Variants in KIDINS220 observed in about 807,000 individuals in gnomAD.
KIDINS220 encodes the protein kinase D-interacting substrate of 220 kDa.
In KIDINS220, 63 loss-of-function variants were observed where a neutral mutation model predicts 157.6. The ratio of observed to expected loss-of-function variants is 0.40; its 90% CI spans 0.33 to 0.49. The LOEUF is 0.49. Ranked by LOEUF, KIDINS220 falls within the 20% of genes least tolerant of loss-of-function variation. The pLI is 0.66. For missense variants in KIDINS220, 1,772 were observed against 2,171.2 expected (o/e 0.82, Z 3.65); for synonymous variants, 732 against 783.6 (o/e 0.93, Z 1.10).
At position 8,740,210 on chromosome 2, in the gene KIDINS220, G is replaced by A. The variant is rs936489858; in HGVS notation, c.3586-3211C>T. The A allele has an allele frequency of 5.1e-6, 5 of 975,462 alleles. No homozygotes were observed. In the African/African-American group the frequency reaches 8.8e-5, roughly 17 times the overall value. The allele number at this position is 975,462 out of a possible 1,614,324, so 60.4% of individuals were successfully genotyped here. ...CTTTAAGGAAGGAATAAAACACAGT[G>A]AAGGACAAGAGCATAAAGTAACACA... On this transcript the variant is annotated intron_variant, in intron 26 of 29. Transcript: ENST00000256707.
intron 27 of KIDINS220, among the ~76,000 whole-genome samples, chr2:8,735,827 G>A (rs1298612317): frequency 2.0e-5 from 3 of 152,182 alleles, no homozygotes; most frequent in African/African-American, 2.4e-5. Context: ...GGAGGCCAGC[G>A]GCTCTGAGGG....
chr2:8,766,960 T>C (rs1669571932), intron 22 of KIDINS220, among the ~76,000 whole-genome samples: 1 of 152,204 alleles, frequency 6.6e-6, no homozygotes, highest in Non-Finnish European at 1.5e-5. Flanking sequence ...TGGTCAACAT[T>C]ACATCTGATT....
At chr2:8,812,531 T>TAGGAAGGAAGGAAAGAA in intron 5 of KIDINS220, 38 bp from the exon 6 acceptor site, 1 of 1,210,366 alleles carries the variant, frequency 8.3e-7, no homozygotes, top group East Asian at 2.7e-5. Context: ...GGTAGATAAG[T>TAGGAAGGAAGGAAAGAA]AGGAAGGAAG....
intron 22 of KIDINS220, among the ~76,000 whole-genome samples, chr2:8,761,572 C>CT (rs1200150090): frequency 5.3e-5 from 8 of 151,744 alleles, no homozygotes; most frequent in Admixed American, 4.6e-4. Context: ...ATTCATTTGC[C>CT]TAGGATCGTG....
intron 13 of KIDINS220, 101 bp downstream of exon 13, chr2:8,790,959 C>T (rs1440551810): frequency 2.8e-6 from 3 of 1,063,028 alleles, no homozygotes; most frequent in Non-Finnish European, 4.1e-6. Flanking sequence ...CCACATAACA[C>T]ACATGCTTAT....
chr2:8,748,047 G>T, intron 24 of KIDINS220, 47 bp from the exon 25 acceptor site: 2 of 1,107,248 alleles, frequency 1.8e-6, no homozygotes, highest in Non-Finnish European at 1.3e-6. Context: ...TTACAGAAAT[G>T]AAAGTGTAAT....
chr2:8,749,902 T>A (rs1280757894), intron 24 of KIDINS220, among the ~76,000 whole-genome samples: 1 of 152,140 alleles, frequency 6.6e-6, no homozygotes, highest in Non-Finnish European at 1.5e-5. Context: ...AAAAAAAATC[T>A]AATATTCAGA....
chr2:8,789,817 T>A, intron 14 of KIDINS220, 63 bp downstream of exon 14: 1 of 1,245,938 alleles, frequency 8.0e-7, no homozygotes, highest in Non-Finnish European at 1.1e-6. Flanking sequence ...AAAATGTTTT[T>A]TCTTTATCTA....
intron 1 of KIDINS220, among the ~76,000 whole-genome samples, chr2:8,835,145 A>G (rs1680222009): frequency 6.6e-6 from 1 of 152,212 alleles, no homozygotes; most frequent in Non-Finnish European, 1.5e-5. Flanking sequence ...CTGCATGCCC[A>G]GCCTTGAACT....
chr2:8,770,854 TTTAAAAATTAATAGA>T, intron 21 of KIDINS220, 22 bp from the exon 22 acceptor site: 1 of 1,507,018 alleles, frequency 6.6e-7, no homozygotes, highest in Non-Finnish European at 9.1e-7. Context: ...TACAAAAGCA[TTTAAAAATTAATAGA>T]TGTGTGATAG....
intron 2 of KIDINS220, among the ~76,000 whole-genome samples, chr2:8,820,238 C>T (rs1225296319): frequency 6.6e-6 from 1 of 152,202 alleles, no homozygotes; most frequent in African/African-American, 2.4e-5. Context: ...TTTTCCTATA[C>T]TAATCCTTGT....
chr2:8,751,584 A>G lies in KIDINS220; in HGVS notation c.3072T>C (p.Asp1024=), dbSNP rs372134421. 1,128 of 1,611,446 alleles carry G rather than the reference A, an allele frequency of 7.0e-4. No individual in the cohort carries two copies. Among genetic ancestry groups the G allele is most frequent in the Non-Finnish European group, 8.7e-4 (1,026 of 1,178,314 alleles). Residue 1024 remains aspartate, a synonymous_variant, in exon 23 of 30, where the codon GAT becomes GAC. Transcript: ENST00000256707. ...DVEPLLEIDG[D]IRNFEVFLSS... is the part of the protein sequence containing the mutation. ...ACAAAAACACTTCAAAATTTCTTAT[A>G]TCTCCATCAATTTCAAGAAGTGGCT...
intron 26 of KIDINS220, among the ~76,000 whole-genome samples, chr2:8,745,171 C>T (rs1186306238): frequency 6.6e-6 from 1 of 152,170 alleles, no homozygotes; most frequent in East Asian, 1.9e-4. Flanking sequence ...GTCATTAAGG[C>T]CATTAACTTC....
chr2:8,817,091 A>T (rs1677186966), intron 4 of KIDINS220, among the ~76,000 whole-genome samples: 1 of 152,156 alleles, frequency 6.6e-6, no homozygotes, highest in African/African-American at 2.4e-5. Flanking sequence ...GCCAGAAATG[A>T]CCTCTCTCTT....
intron 4 of KIDINS220, among the ~76,000 whole-genome samples, chr2:8,814,510 G>A (rs1676777926): frequency 6.6e-6 from 1 of 152,150 alleles, no homozygotes. Context: ...ATAGAGTAGG[G>A]TGTGGGGAAG....
chr2:8,802,873 A>G, intron 8 of KIDINS220, 57 bp downstream of exon 8: 1 of 1,387,986 alleles, frequency 7.2e-7, no homozygotes, highest in Non-Finnish European at 1.0e-6. Flanking sequence ...ATAAGACACT[A>G]AGGTCACCTT....
intron 22 of KIDINS220, among the ~76,000 whole-genome samples, chr2:8,768,916 T>C (rs1669819412): frequency 6.6e-6 from 1 of 152,206 alleles, no homozygotes; most frequent in Non-Finnish European, 1.5e-5. Context: ...GATTGCTTAC[T>C]ATATTTTTTC....
rs540435464 is a variant in KIDINS220 at position 8,729,639 on chromosome 2, A to T, written c.*1081T>A. On this transcript the variant is annotated 3_prime_UTR_variant, in exon 30 of 30. Coordinates refer to ENST00000256707, the MANE Select transcript of KIDINS220 (RefSeq NM_020738.4). ...GTTACATGTTTCCAAATTTTTTTTTAAAAAGTATTTCCTTTCTTATGATCC... is the reference window on the plus strand; with the variant it reads ...GTTACATGTTTCCAAATTTTTTTTTTAAAAGTATTTCCTTTCTTATGATCC... The T allele has an allele frequency of 8.2e-5, 81 of 982,108 alleles. No homozygotes were observed. In the African/African-American group the frequency reaches 1.2e-3, roughly 14 times the overall value. 60.8% of individuals were successfully genotyped at this position (982,108 alleles called of 1,614,324 possible).
intron 4 of KIDINS220, among the ~76,000 whole-genome samples, chr2:8,815,340 G>A (rs67856803): frequency 0.15 from 22,390 of 149,952 alleles, 1,764 homozygotes; most frequent in Middle Eastern, 0.22. Flanking sequence ...GATGGAGGTT[G>A]TACCGAGCTG....
Sources: gnomAD v4.1 joint callset for allele counts (sites outside exome capture counted in the v4.1 genomes callset) on GRCh38, gnomAD v4.1.1 for gene constraint, MANE v1.5 for transcripts, NCBI Gene and HGNC (gene_info 2026-07-23, HGNC 2026-07-21) for gene names.